The following KIF16B variants were observed in gnomAD, a reference collection of about 807,000 sequenced individuals.
The protein encoded by KIF16B is kinesin-like protein KIF16B.
In KIF16B, 98 loss-of-function variants were observed where a neutral mutation model predicts 156.3. That is an observed-to-expected ratio of 0.63 (90% CI 0.53 to 0.74). The LOEUF is 0.74. Among genes scored for constraint, KIF16B ranks in the 30% least tolerant of loss-of-function variants. The pLI, the probability that KIF16B is intolerant of heterozygous loss-of-function variation, is 0.00. For missense variants in KIF16B, 1,421 were observed against 1,606.5 expected, an observed-to-expected ratio of 0.88 and a Z score of 1.97; for synonymous variants, 564 against 583.7, an observed-to-expected ratio of 0.97 and a Z score of 0.49.
At chr20:16,413,535 G>A (rs578008762) in intron 15 of KIF16B, among the ~76,000 whole-genome samples, 3 of 152,110 alleles carry the variant, frequency 2.0e-5, no homozygotes, top group Admixed American at 1.3e-4. Context: ...AGGTAATAAT[G>A]TACCAATTAT....
intron 22 of KIF16B, chr20:16,367,626 T>C: frequency 6.2e-7 from 1 of 1,612,744 alleles, no homozygotes; most frequent in South Asian, 1.1e-5. Flanking sequence ...CTTCCATATT[T>C]CCATGAAGAA....
At chr20:16,296,951 C>G (rs1237836170) in intron 25 of KIF16B, among the ~76,000 whole-genome samples, 1 of 152,212 alleles carries the variant, frequency 6.6e-6, no homozygotes, top group Non-Finnish European at 1.5e-5. Context: ...GAACAAACTC[C>G]AGAGAGTAAG....
intron 1 of KIF16B, among the ~76,000 whole-genome samples, chr20:16,560,338 G>C (rs1229136977): frequency 6.6e-6 from 1 of 152,146 alleles, no homozygotes; most frequent in East Asian, 1.9e-4. Flanking sequence ...CCTGCTCTGA[G>C]GAAGTTCACA....
Position 16,428,981 on chromosome 20 carries a change from T to C in KIF16B, c.1446A>G (p.Arg482=). ...HLKEGQTYVG[R]DDASTEQDIV... ...TATCTTGCTCCGTGGAAGCATCGTC[T>C]CTACCAACGTATGTCTGACCTTCCT... Residue 482 remains arginine, a synonymous_variant, in exon 14 of 26, where the codon AGA becomes AGG. Coordinates refer to ENST00000354981, the MANE Select transcript of KIF16B (RefSeq NM_024704.5). The C allele has an allele frequency of 6.2e-7, 1 of 1,613,382 alleles. No individual in the cohort carries two copies. The highest frequency in any genetic ancestry group is 8.5e-7 in the Non-Finnish European group (1 of 1,179,472).
intron 15 of KIF16B, among the ~76,000 whole-genome samples, chr20:16,422,787 AG>A (rs1272095827): frequency 3.9e-5 from 6 of 152,194 alleles, no homozygotes; most frequent in African/African-American, 1.4e-4. Context: ...TTGCATAAGA[AG>A]TTCCAAGATG....
rs2065053420 is a variant in KIF16B, at chr20:16,379,968, T to G, written c.2034A>C (p.Lys678Asn). 6.2e-7 allele frequency: 1 copy of G among 1,612,514 alleles called. No individual in the cohort carries two copies. The highest frequency in any genetic ancestry group is 8.5e-7 in the Non-Finnish European group (1 of 1,179,694). Reference sequence around the variant, plus strand: ...GTTCCCTCAGCCTCTCCTCTTCAAATTTTTCCTTCTCCGCAAGTAAATCCT... The same window carrying G: ...GTTCCCTCAGCCTCTCCTCTTCAAAGTTTTCCTTCTCCGCAAGTAAATCCT... The part of the protein sequence containing the change: ...KLKDLLAEKE[K>N]FEEERLREQQ... The change falls in exon 19 of 26, where the codon AAA becomes AAC. Residue 678 changes from lysine to asparagine, a missense_variant. Transcript: ENST00000354981.
rs369598525 is a variant in KIF16B at position 16,515,537 on chromosome 20, A to G, written c.348+11T>C. 7.1e-7 allele frequency: 1 copy of G among 1,400,056 alleles called. No individual in the cohort carries two copies. Among genetic ancestry groups the G allele is most frequent in the African/African-American group, 1.4e-5 (1 of 70,894 alleles). 86.7% of individuals were successfully genotyped at this position (1,400,056 alleles called of 1,614,324 possible). A position where few individuals can be genotyped will look rare whatever the true frequency, so the allele number is the denominator to read the frequency against. ...GAGAAATTTCCTTCCCACACAGTATAAACAACGTACAGAATTTCCCATCAT... is the reference window on the plus strand; with the variant it reads ...GAGAAATTTCCTTCCCACACAGTATGAACAACGTACAGAATTTCCCATCAT... On this transcript the variant is annotated intron_variant, in intron 4 of 25. Coordinates refer to ENST00000354981, the MANE Select transcript of KIF16B (RefSeq NM_024704.5).
At chr20:16,347,101 G>A (rs2064248051) in intron 23 of KIF16B, among the ~76,000 whole-genome samples, 1 of 152,094 alleles carries the variant, frequency 6.6e-6, no homozygotes, top group African/African-American at 2.4e-5. Context: ...TTCCTAACCT[G>A]CAGATGAACT....
intron 12 of KIF16B, among the ~76,000 whole-genome samples, chr20:16,446,203 G>T (rs1033008648): frequency 4.6e-5 from 7 of 152,152 alleles, no homozygotes; most frequent in African/African-American, 1.7e-4. Context: ...AAAGCTAAAA[G>T]TTCACTTCAT....
At chr20:16,372,217 G>T (rs2123323163) in intron 20 of KIF16B, among the ~76,000 whole-genome samples, 1 of 152,158 alleles carries the variant, frequency 6.6e-6, no homozygotes, top group African/African-American at 2.4e-5. Context: ...TACCAAAAAA[G>T]AAAAAAATAA....
chr20:16,478,062 T>A (rs6111157), intron 12 of KIF16B, among the ~76,000 whole-genome samples: 1 of 151,872 alleles, frequency 6.6e-6, no homozygotes, highest in Non-Finnish European at 1.5e-5. Context: ...ATGACTGGGA[T>A]GGCAAGTTTA....
intron 25 of KIF16B, among the ~76,000 whole-genome samples, chr20:16,304,612 C>T (rs1392558920): frequency 1.3e-5 from 2 of 152,024 alleles, no homozygotes; most frequent in Non-Finnish European, 2.9e-5. Flanking sequence ...ACAGTTTTTC[C>T]TATGAGGTAT....
At chr20:16,541,659 G>A (rs2070203517) in intron 1 of KIF16B, among the ~76,000 whole-genome samples, 1 of 152,212 alleles carries the variant, frequency 6.6e-6, no homozygotes, top group Non-Finnish European at 1.5e-5. Context: ...GGATCCCAGA[G>A]AAGCAGACAT....
At chr20:16,548,453 G>C (rs6044106) in intron 1 of KIF16B, among the ~76,000 whole-genome samples, 79,302 of 152,096 alleles carry the variant, frequency 0.52, 20,837 homozygotes, top group Non-Finnish European at 0.55. Context: ...GGCCACACAG[G>C]AGGAGGTCAG....
intron 1 of KIF16B, among the ~76,000 whole-genome samples, chr20:16,557,764 A>G (rs1404720383): frequency 6.6e-6 from 1 of 152,186 alleles, no homozygotes; most frequent in Admixed American, 6.5e-5. Flanking sequence ...TTTGGCCTGC[A>G]TGGTTTCCTT....
chr20:16,307,707 A>AT (rs1274076351), intron 25 of KIF16B, among the ~76,000 whole-genome samples: 1 of 151,966 alleles, frequency 6.6e-6, no homozygotes, highest in East Asian at 1.9e-4. Context: ...CTTTTTATTT[A>AT]TTTTTTTCTT....
At chr20:16,296,876 G>T (rs1054004704) in intron 25 of KIF16B, among the ~76,000 whole-genome samples, 2 of 152,240 alleles carry the variant, frequency 1.3e-5, no homozygotes, top group Non-Finnish European at 2.9e-5. Context: ...TCAGTAGAAC[G>T]AGTAAAGCAG....
At chr20:16,431,268 G>A (rs2066491435) in intron 12 of KIF16B, among the ~76,000 whole-genome samples, 2 of 152,100 alleles carry the variant, frequency 1.3e-5, no homozygotes, top group Non-Finnish European at 2.9e-5. Flanking sequence ...AGGCCATCAG[G>A]GCAGGTCACT....
chr20:16,296,066 C>T (rs2063381990), intron 25 of KIF16B, among the ~76,000 whole-genome samples: 1 of 152,152 alleles, frequency 6.6e-6, no homozygotes, highest in South Asian at 2.1e-4. Flanking sequence ...TTCCTTCTCA[C>T]CCCTGTTGTG....
Sources: allele counts gnomAD v4.1 joint callset (sites outside exome capture counted in the v4.1 genomes callset), GRCh38; gene constraint gnomAD v4.1.1; transcripts MANE v1.5; gene names NCBI Gene and HGNC (gene_info 2026-07-23, HGNC 2026-07-21).